PUDP: variants seen among roughly 807,000 people sequenced by gnomAD.
The protein encoded by PUDP is pseudouridine 5'-phosphatase.
PUDP carries 8 observed loss-of-function variants against 9.4 expected under a neutral mutation model. That is an observed-to-expected ratio of 0.85 (90% confidence interval 0.50 to 1.53). PUDP has a LOEUF of 1.53. Ranked by LOEUF, PUDP falls within the 40% of genes most tolerant of loss-of-function variation. The pLI is 0.00. For missense variants in PUDP, 188 were observed against 189.7 expected (o/e 0.99, Z 0.05); for synonymous variants, 99 against 80.7 (o/e 1.23, Z -1.22).
intron 1 of PUDP, among the ~76,000 whole-genome samples, chrX:7,030,445 CA>C (rs1185403019): frequency 1.8e-5 from 2 of 112,155 alleles, no homozygotes; most frequent in African/African-American, 3.2e-5. Flanking sequence ...GGATGCTTCT[CA>C]AATCCTTAAC....
At chrX:6,964,775 G>T (rs976605981) in intron 3 of PUDP, among the ~76,000 whole-genome samples, 1 of 111,743 alleles carries the variant, frequency 8.9e-6, no homozygotes, top group Admixed American at 9.5e-5. Flanking sequence ...ATGGATTAAA[G>T]GTCAAATAAG....
At chrX:7,138,545 G>C (rs1422790346) in intron 1 of PUDP, among the ~76,000 whole-genome samples, 1 of 110,535 alleles carries the variant, frequency 9.0e-6, no homozygotes, top group African/African-American at 3.3e-5. Context: ...ACTAATTTTT[G>C]TATTTTTAGT....
intron 3 of PUDP, among the ~76,000 whole-genome samples, chrX:6,750,159 G>C (rs1925050084): frequency 8.9e-6 from 1 of 111,808 alleles, no homozygotes; most frequent in Non-Finnish European, 1.9e-5. Flanking sequence ...TTGTTTCAGA[G>C]TGTGGAGCCG....
At chrX:6,903,392 T>C (rs991828078) in intron 3 of PUDP, among the ~76,000 whole-genome samples, 3 of 111,606 alleles carry the variant, frequency 2.7e-5, no homozygotes, top group African/African-American at 9.8e-5. Flanking sequence ...AAAAGGTCTA[T>C]TTATAAAAAT....
At chrX:7,110,140 C>A (rs1359101032) in intron 1 of PUDP, among the ~76,000 whole-genome samples, 1 of 111,814 alleles carries the variant, frequency 8.9e-6, no homozygotes, top group African/African-American at 3.3e-5. Flanking sequence ...TTTTCATCCT[C>A]AGAGGCAGCC....
intron 3 of PUDP, among the ~76,000 whole-genome samples, chrX:7,060,393 G>A (rs915915412): frequency 1.8e-5 from 2 of 112,100 alleles, no homozygotes; most frequent in African/African-American, 6.5e-5. Flanking sequence ...GTAGTAGAAT[G>A]TTCATGAGGT....
chrX:7,091,307 G>A (rs1321520688), intron 2 of PUDP, among the ~76,000 whole-genome samples: 2 of 111,735 alleles, frequency 1.8e-5, no homozygotes, highest in African/African-American at 6.5e-5. Context: ...GGAAAGCTCT[G>A]GAAACTCAAA....
Position 6,905,417 on chromosome X carries a change from T to C in PUDP, c.*247+71716A>G, listed in dbSNP as rs191135933. Among the ~76,000 whole-genome samples, 6 of 111,656 alleles carry C rather than the reference T, an allele frequency of 5.4e-5. No individual in the cohort carries two copies. In the East Asian group the frequency reaches 1.4e-3, roughly 26 times the overall value. ...TAAAGACATACCTGAGACTGGATAA[T>C]CTATAAAGGGAAGAAGGTTAATTAA... On this transcript the variant is annotated intron_variant and NMD_transcript_variant, in intron 3 of 3. Coordinates refer to the PUDP transcript ENST00000655425.
intron 3 of PUDP, among the ~76,000 whole-genome samples, chrX:7,063,443 T>C (rs1802923874): frequency 9.0e-6 from 1 of 111,320 alleles, no homozygotes; most frequent in Non-Finnish European, 1.9e-5. Flanking sequence ...ATTCAGCTTA[T>C]CTGAAGGGGC....
intron 3 of PUDP, among the ~76,000 whole-genome samples, chrX:6,909,845 A>G (rs756171030): frequency 8.9e-6 from 1 of 112,602 alleles, no homozygotes; most frequent in South Asian, 3.7e-4. Context: ...AAATGTGTCA[A>G]GTCCTATTCA....
At chrX:6,720,706 G>A (rs1179281661) in intron 1 of PUDP, among the ~76,000 whole-genome samples, 2 of 110,308 alleles carry the variant, frequency 1.8e-5, no homozygotes, top group Non-Finnish European at 3.8e-5. Flanking sequence ...CACAGTGATA[G>A]ATAAGTTATT....
At chrX:7,032,640 C>G (rs1049347731) in intron 1 of PUDP, among the ~76,000 whole-genome samples, 1 of 111,634 alleles carries the variant, frequency 9.0e-6, no homozygotes, top group African/African-American at 3.3e-5. Flanking sequence ...TTGCATGATT[C>G]CATTTATATA....
intron 2 of PUDP, chrX:7,085,179 C>T (rs891898454): frequency 1.8e-5 from 2 of 112,529 alleles, no homozygotes; most frequent in South Asian, 7.4e-4. Flanking sequence ...TTCTTGCCTA[C>T]TTGAAGTTCC....
chrX:7,025,551 A>T (rs1309094728), intron 1 of PUDP, among the ~76,000 whole-genome samples: 3 of 111,783 alleles, frequency 2.7e-5, no homozygotes, highest in Non-Finnish European at 5.6e-5. Flanking sequence ...ATCACTGCAT[A>T]TATCTGTGCT....
intron 3 of PUDP, among the ~76,000 whole-genome samples, chrX:6,914,313 G>C (rs1927896130): frequency 1.8e-5 from 2 of 111,684 alleles, no homozygotes; most frequent in Non-Finnish European, 3.8e-5. Context: ...CTGTTTTCTT[G>C]TTTTCTTGCA....
chrX:6,733,909 C>G (rs1924843433), intron 3 of PUDP, among the ~76,000 whole-genome samples: 1 of 105,373 alleles, frequency 9.5e-6, no homozygotes, highest in Non-Finnish European at 1.9e-5. Context: ...TCTGGAGTAG[C>G]TGGAATTACA....
chrX:6,985,582 CT>C (rs938543679), intron 1 of PUDP, among the ~76,000 whole-genome samples: 5 of 111,495 alleles, frequency 4.5e-5, no homozygotes, highest in African/African-American at 1.6e-4. Context: ...TCTTGGTGGG[CT>C]TTTGTTACAT....
At chrX:6,920,961 G>A (rs1928012666) in intron 3 of PUDP, among the ~76,000 whole-genome samples, 1 of 111,439 alleles carries the variant, frequency 9.0e-6, no homozygotes, top group Non-Finnish European at 1.9e-5. Context: ...CCCCTAAGTA[G>A]TGATCACTCT....
chrX:6,752,736 C>G (rs1370870504), intron 3 of PUDP, among the ~76,000 whole-genome samples: 1 of 110,139 alleles, frequency 9.1e-6, no homozygotes, highest in Non-Finnish European at 1.9e-5. Flanking sequence ...GATCATGGTG[C>G]CATTTACTGA....
Sources: gnomAD v4.1 joint callset for allele counts (sites outside exome capture counted in the v4.1 genomes callset) on GRCh38, gnomAD v4.1.1 for gene constraint, MANE v1.5 for transcripts, NCBI Gene and HGNC (gene_info 2026-07-23, HGNC 2026-07-21) for gene names.